Variants in MRO observed in about 807,000 individuals in gnomAD.
MRO encodes the protein protein maestro.
A neutral mutation model predicts 31.0 loss-of-function variants in MRO; 28 were observed. The ratio of observed to expected loss-of-function variants is 0.90; its 90% confidence interval spans 0.67 to 1.24. The LOEUF (loss-of-function observed/expected upper bound fraction) is 1.24. Ranked by LOEUF, MRO falls within the 50% of genes most tolerant of loss-of-function variation. The pLI is 0.00. For synonymous variants in MRO, 108 were observed against 108.4 expected (o/e 1.00, Z 0.02); for missense variants, 332 against 289.2 (o/e 1.15, Z -1.07).
chr18:50,805,103 T>A (rs1482582010), intron 5 of MRO, 51 bp downstream of exon 5: 3 of 1,511,168 alleles, frequency 2.0e-6, no homozygotes, highest in African/African-American at 1.4e-5. Flanking sequence ...ACAGTCATAT[T>A]TCTAAGCCCA....
chr18:50,802,957 T>G (rs1013761466), intron 5 of MRO, among the ~76,000 whole-genome samples: 4 of 142,048 alleles, frequency 2.8e-5, no homozygotes, highest in African/African-American at 1.1e-4. Context: ...CAAATTTTAA[T>G]GGAGAATGTA....
At chr18:50,823,726 G>A (rs1915396080), upstream of MRO, 2 of 159,476 alleles carry the variant, frequency 1.3e-5, no homozygotes, top group Admixed American at 1.3e-4. Flanking sequence ...CCTGAAAGAT[G>A]TCACTTTTCA....
At chr18:50,817,246 A>C (rs536977044) in intron 2 of MRO, among the ~76,000 whole-genome samples, 14 of 152,312 alleles carry the variant, frequency 9.2e-5, no homozygotes, top group African/African-American at 2.9e-4. Context: ...ACAGGTTGTC[A>C]GGGATCATCT....
intron 5 of MRO, among the ~76,000 whole-genome samples, chr18:50,802,048 T>C (rs1028300417): frequency 2.0e-5 from 3 of 152,354 alleles, no homozygotes; most frequent in African/African-American, 4.8e-5. Flanking sequence ...GCCACTGTTG[T>C]TGTGCACCTT....
At chr18:50,803,869 C>T (rs942482203) in intron 5 of MRO, among the ~76,000 whole-genome samples, 2 of 152,248 alleles carry the variant, frequency 1.3e-5, no homozygotes, top group South Asian at 2.1e-4. Flanking sequence ...ACGGTCTGTT[C>T]GCTGTTCTGT....
chr18:50,821,116 C>G (rs1915285564), upstream of MRO, among the ~76,000 whole-genome samples: 2 of 152,212 alleles, frequency 1.3e-5, no homozygotes, highest in Non-Finnish European at 2.9e-5. Context: ...CTAGAAGAGA[C>G]AGCAAGGTCA....
In MRO at chr18:50,819,900, T is replaced by C; in HGVS notation, c.-130A>G. 1 of 1,551,622 alleles carries C rather than the reference T, an allele frequency of 6.4e-7. No individual in the cohort carries two copies. The highest frequency in any genetic ancestry group is 8.7e-7 in the Non-Finnish European group (1 of 1,146,896). On this transcript the variant is annotated 5_prime_UTR_variant, in exon 1 of 8. Coordinates refer to ENST00000398439, the MANE Select transcript of MRO (RefSeq NM_031939.6). ...TGGCACAAGCATGACTTGCTACCTT[T>C]GCTTCCCCACGCCATGCTGAGGTGT...
In MRO at chr18:50,799,159, A is replaced by T; in HGVS notation, c.*178T>A. 1 of 583,354 alleles carries T rather than the reference A, an allele frequency of 1.7e-6. No homozygotes were observed. The allele number at this position is 583,354 out of a possible 1,614,324, so 36.1% of individuals were successfully genotyped here. Reference sequence around the variant, plus strand: ...TGAAAGCAGTCTAGAATTTTACTTTAGATAAAATCATACAATTCCATGTAT... The same window carrying T: ...TGAAAGCAGTCTAGAATTTTACTTTTGATAAAATCATACAATTCCATGTAT... On this transcript the variant is annotated 3_prime_UTR_variant, in exon 8 of 8. Coordinates refer to ENST00000398439, the MANE Select transcript of MRO (RefSeq NM_031939.6).
intron 2 of MRO, chr18:50,814,649 C>CCA: frequency 4.8e-6 from 1 of 210,480 alleles, no homozygotes; most frequent in South Asian, 8.9e-5. Flanking sequence ...AGAGAGGGTT[C>CCA]TGTAAAGCCT....
upstream of MRO, chr18:50,820,069 A>C: frequency 9.4e-7 from 1 of 1,065,038 alleles, no homozygotes; most frequent in East Asian, 2.6e-5. Context: ...CCCGTTCCCC[A>C]TGCGGCCGCG....
chr18:50,806,132 A>G lies in MRO; in HGVS notation c.246+572T>C, dbSNP rs568661509. Among the ~76,000 whole-genome samples, 4 of 152,178 alleles carry G rather than the reference A, an allele frequency of 2.6e-5. No homozygotes were observed. The East Asian group carries it at 7.7e-4, about 29-fold the overall frequency. On this transcript the variant is annotated intron_variant, in intron 4 of 7. Transcript: ENST00000398439. ...AAAAATATAAAAGAAATGGGGTTTC[A>G]CCATGTTGGCCAGGCTAGTCTTGAA... is the stretch of plus-strand genomic sequence containing the variant.
Position 50,800,114 on chromosome 18 carries a change from A to G in MRO, c.615T>C (p.Ser205=), listed in dbSNP as rs753731038. 3 of 1,613,440 alleles carry G rather than the reference A, an allele frequency of 1.9e-6. No homozygotes were observed. The highest frequency in any genetic ancestry group is 1.7e-5 in the Admixed American group (1 of 60,004). Residue 205 remains serine (S), a synonymous_variant, in exon 7 of 8, where the codon TCT becomes TCC. Transcript: ENST00000398439. The part of the protein sequence containing the change: ...KACKTTFQAC[S]PYLKLKEEYS... ...ATTCCTCCTTTAGTTTCAGATATGG[A>G]GAACAGGCTTGAAATGTTGTTTTGC...
intron 6 of MRO, among the ~76,000 whole-genome samples, chr18:50,801,145 A>C (rs758489478): frequency 9.2e-5 from 14 of 152,168 alleles, no homozygotes; most frequent in Non-Finnish European, 1.9e-4. Flanking sequence ...GGGCTTGGGC[A>C]GGTGGGGCAG....
At chr18:50,804,504 T>C (rs1913714299) in intron 5 of MRO, among the ~76,000 whole-genome samples, 1 of 152,060 alleles carries the variant, frequency 6.6e-6, no homozygotes, top group African/African-American at 2.4e-5. Flanking sequence ...CATGTGCCTA[T>C]AGTCCCAGCT....
chr18:50,804,098 G>C (rs1428494905), intron 5 of MRO, among the ~76,000 whole-genome samples: 1 of 152,216 alleles, frequency 6.6e-6, no homozygotes, highest in African/African-American at 2.4e-5. Flanking sequence ...TAACCTTTCT[G>C]TGCTTTGGTT....
upstream of MRO, among the ~76,000 whole-genome samples, chr18:50,821,285 G>C (rs185928066): frequency 1.3e-5 from 2 of 152,292 alleles, no homozygotes; most frequent in East Asian, 3.9e-4. Flanking sequence ...GAAAGGGTTA[G>C]CTCTGGAGGA....
chr18:50,818,556 C>T (rs911565197), intron 2 of MRO, among the ~76,000 whole-genome samples: 5 of 152,198 alleles, frequency 3.3e-5, no homozygotes, highest in African/African-American at 1.2e-4. Context: ...ATGCTTTACA[C>T]TGACTCCCAT....
intron 5 of MRO, among the ~76,000 whole-genome samples, 189 bp downstream of exon 5, chr18:50,804,965 G>T (rs1355853917): frequency 6.6e-6 from 1 of 151,898 alleles, no homozygotes; most frequent in Non-Finnish European, 1.5e-5. Context: ...CTAGTTCTTT[G>T]TATTTTAGTA....
At position 50,819,683 on chromosome 18, in the gene MRO, AT is replaced by A. The variant is rs1179769386; in HGVS notation, c.-108del. The A allele has an allele frequency of 1.3e-6, 2 of 1,550,936 alleles. No homozygotes were observed. The highest frequency in any genetic ancestry group is 2.7e-5 in the African/African-American group (2 of 73,002). ...TAGCCAAATGTGATGACTCGGCTAA[AT>A]TTTCCCAGCCCTGAATTCCTAACAT... On this transcript the variant is annotated 5_prime_UTR_variant, in exon 2 of 8. It removes the in-frame stop codon of an upstream open reading frame in the 5' UTR. Coordinates refer to ENST00000398439, the MANE Select transcript of MRO (RefSeq NM_031939.6).
Sources: gnomAD v4.1 joint callset for allele counts (sites outside exome capture counted in the v4.1 genomes callset) on GRCh38, gnomAD v4.1.1 for gene constraint, MANE v1.5 for transcripts, NCBI Gene and HGNC (gene_info 2026-07-23, HGNC 2026-07-21) for gene names.